Variants in GSE1 observed in about 807,000 individuals in gnomAD.
GSE1 encodes Gse1 coiled-coil protein.
A neutral mutation model predicts 112.6 loss-of-function variants in GSE1; 32 were observed. The observed-to-expected ratio is 0.28, with a 90% CI of 0.21 to 0.38. GSE1 has a LOEUF of 0.38. Ranked by LOEUF, GSE1 falls within the 10% of genes least tolerant of loss-of-function variation. The probability of loss-of-function intolerance (pLI) is 1.00; values close to 1 mark genes in which losing one functional copy is unlikely to be tolerated. For missense variants in GSE1, 2,348 were observed against 1,699.2 expected, an observed-to-expected ratio of 1.38 and a Z score of -6.71; for synonymous variants, 1,115 against 735.6, an observed-to-expected ratio of 1.52 and a Z score of -8.35.
At position 85,572,540 on chromosome 16, in the gene GSE1, GCACACAA is replaced by G. The variant is rs372074336; in HGVS notation, c.37+16188_37+16194del. On this transcript the variant is annotated intron_variant, in intron 1 of 2. Transcript: ENST00000635906. The stretch of plus-strand genomic sequence containing the variant: ...ACACACACCGCACACACATACACGT[GCACACAA>G]CACACAACACGACATACACACACAC... Among the ~76,000 whole-genome samples, 593 of 151,712 alleles carry G rather than the reference GCACACAA, an allele frequency of 3.9e-3. 5 individuals are homozygous for G. The highest frequency in any genetic ancestry group is 0.014 in the African/African-American group (563 of 41,346).
chr16:85,276,649 C>T (rs1909391927), intron 1 of GSE1, among the ~76,000 whole-genome samples: 1 of 152,146 alleles, frequency 6.6e-6, no homozygotes, highest in Non-Finnish European at 1.5e-5. Context: ...CCGGGAAGGG[C>T]GTGGAGGATG....
At chr16:85,198,558 G>T (rs1300576379) in intron 1 of GSE1, among the ~76,000 whole-genome samples, 3 of 152,128 alleles carry the variant, frequency 2.0e-5, no homozygotes. Context: ...CGGGATGGGG[G>T]TAGCCTGAGC....
At chr16:85,296,483 T>C (rs2045370540) in intron 1 of GSE1, among the ~76,000 whole-genome samples, 1 of 152,116 alleles carries the variant, frequency 6.6e-6, no homozygotes, top group Non-Finnish European at 1.5e-5. Context: ...GGTGCACACC[T>C]GTAATCCCAG....
intron 2 of GSE1, among the ~76,000 whole-genome samples, chr16:85,480,448 C>T (rs113132220): frequency 4.6e-5 from 7 of 152,298 alleles, no homozygotes; most frequent in East Asian, 1.9e-4. Context: ...TGAGCTCTGC[C>T]GCCACCTCCA....
At chr16:85,610,451 C>CTTAG (rs1352251268), upstream of GSE1, among the ~76,000 whole-genome samples, 1 of 152,238 alleles carries the variant, frequency 6.6e-6, no homozygotes, top group East Asian at 1.9e-4. Context: ...GGAGGCCAGC[C>CTTAG]TTAGCCCCAG....
intron 2 of GSE1, among the ~76,000 whole-genome samples, chr16:85,429,347 G>C (rs2049065386): frequency 6.6e-6 from 1 of 152,254 alleles, no homozygotes; most frequent in East Asian, 1.9e-4. Context: ...AGGGTCTTCT[G>C]TCTGGGGGCA....
At chr16:85,177,225 G>A (rs532667787) in intron 1 of GSE1, among the ~76,000 whole-genome samples, 3 of 152,352 alleles carry the variant, frequency 2.0e-5, no homozygotes, top group Non-Finnish European at 4.4e-5. Flanking sequence ...AAGCTTCCTG[G>A]TTCCTCCTCT....
At chr16:85,450,516 C>A (rs1215581395) in intron 2 of GSE1, among the ~76,000 whole-genome samples, 1 of 151,542 alleles carries the variant, frequency 6.6e-6, no homozygotes, top group East Asian at 2.0e-4. Context: ...GTGGCCTGAT[C>A]TCGGCTCACT....
intron 2 of GSE1, among the ~76,000 whole-genome samples, chr16:85,470,400 G>C (rs1429121345): frequency 6.6e-6 from 1 of 150,912 alleles, no homozygotes; most frequent in Non-Finnish European, 1.5e-5. Context: ...GTCAGGACTT[G>C]CCCGAGGCCC....
At chr16:85,426,233 G>A (rs2048984571) in intron 2 of GSE1, among the ~76,000 whole-genome samples, 1 of 150,976 alleles carries the variant, frequency 6.6e-6, no homozygotes, top group Non-Finnish European at 1.5e-5. Context: ...TAGATGGTGG[G>A]TGAATGAATG....
At chr16:85,228,801 C>G (rs1319152098) in intron 1 of GSE1, among the ~76,000 whole-genome samples, 2 of 152,218 alleles carry the variant, frequency 1.3e-5, no homozygotes, top group Non-Finnish European at 2.9e-5. Flanking sequence ...AAAGCATCTT[C>G]TCAGAAAAGG....
intron 1 of GSE1, among the ~76,000 whole-genome samples, chr16:85,354,515 C>G (rs192703573): frequency 1.0e-3 from 153 of 152,352 alleles, no homozygotes; most frequent in Middle Eastern, 6.8e-3. Context: ...TTTCCTTATA[C>G]TCACAGTCCC....
chr16:85,230,468 A>G (rs1375437690), intron 1 of GSE1, among the ~76,000 whole-genome samples: 1 of 152,120 alleles, frequency 6.6e-6, no homozygotes, highest in Non-Finnish European at 1.5e-5. Context: ...CGTGTAACCG[A>G]TGGGGTGACA....
upstream of GSE1, chr16:85,613,103 C>A: frequency 1.1e-6 from 1 of 905,810 alleles, no homozygotes; most frequent in Non-Finnish European, 1.5e-6. Context: ...CGTCGGTGCG[C>A]GCGCGCGCGC....
chr16:85,446,896 C>T (rs373047312), intron 2 of GSE1, among the ~76,000 whole-genome samples: 6 of 152,276 alleles, frequency 3.9e-5, no homozygotes, highest in African/African-American at 1.4e-4. Flanking sequence ...GCCTTCCGTT[C>T]CCTCTGCACG....
intron 2 of GSE1, among the ~76,000 whole-genome samples, chr16:85,539,733 GCTCA>G (rs1187335827): frequency 6.6e-6 from 1 of 152,146 alleles, no homozygotes; most frequent in African/African-American, 2.4e-5. Flanking sequence ...TCACCTATCT[GCTCA>G]CTGACTAGAG....
chr16:85,239,576 C>G (rs966760013), intron 1 of GSE1, among the ~76,000 whole-genome samples: 2 of 152,352 alleles, frequency 1.3e-5, no homozygotes, highest in Non-Finnish European at 2.9e-5. Flanking sequence ...GCCTTCAGGA[C>G]TAAGCACCTT....
At chr16:85,641,014 C>A (rs1423843959) in intron 2 of GSE1, among the ~76,000 whole-genome samples, 1 of 152,240 alleles carries the variant, frequency 6.6e-6, no homozygotes, top group Non-Finnish European at 1.5e-5. Context: ...GTGGGGAGCC[C>A]TGGGCAGGGT....
intron 2 of GSE1, among the ~76,000 whole-genome samples, chr16:85,456,466 G>A (rs1048902548): frequency 1.3e-5 from 2 of 152,044 alleles, no homozygotes; most frequent in Non-Finnish European, 2.9e-5. Context: ...TCAGCAGCAC[G>A]CAGCCCACCA....
Sources: gnomAD v4.1 joint callset for allele counts (sites outside exome capture counted in the v4.1 genomes callset) on GRCh38, gnomAD v4.1.1 for gene constraint, MANE v1.5 for transcripts, NCBI Gene and HGNC (gene_info 2026-07-23, HGNC 2026-07-21) for gene names.